Variants in MGMT observed in about 807,000 individuals in gnomAD.
MGMT encodes the protein methylated-DNA--protein-cysteine methyltransferase.
A neutral mutation model predicts 15.9 loss-of-function variants in MGMT; 14 were observed. The observed-to-expected ratio is 0.88, with a 90% confidence interval of 0.58 to 1.37. MGMT has a LOEUF of 1.37. Among genes scored for constraint, MGMT ranks in the 40% most tolerant of loss-of-function variants. The pLI is 0.00. For synonymous variants in MGMT, 130 were observed against 118.2 expected, an observed-to-expected ratio of 1.10 and a Z score of -0.65; for missense variants, 282 against 268.1, an observed-to-expected ratio of 1.05 and a Z score of -0.36.
chr10:129,623,686 G>A (rs1035370647), intron 2 of MGMT, among the ~76,000 whole-genome samples: 8 of 151,958 alleles, frequency 5.3e-5, no homozygotes, highest in African/African-American at 1.9e-4. Context: ...GCACCACCAC[G>A]CCTGGCTAAT....
intron 3 of MGMT, among the ~76,000 whole-genome samples, chr10:129,712,695 CG>C (rs888412796): frequency 1.2e-4 from 19 of 152,244 alleles, no homozygotes; most frequent in African/African-American, 4.6e-4. Context: ...GGGCATGTCC[CG>C]GGAGAGGATG....
At chr10:129,549,151 G>A (rs1017423452) in intron 2 of MGMT, among the ~76,000 whole-genome samples, 1 of 152,210 alleles carries the variant, frequency 6.6e-6, no homozygotes, top group African/African-American at 2.4e-5. Flanking sequence ...TTGGAATAAG[G>A]ATGAGGTTCC....
chr10:129,581,178 C>T (rs188820851), intron 2 of MGMT, among the ~76,000 whole-genome samples: 3 of 152,304 alleles, frequency 2.0e-5, no homozygotes, highest in East Asian at 1.9e-4. Flanking sequence ...CGTGACCTGT[C>T]GCGGGCTGAG....
intron 2 of MGMT, among the ~76,000 whole-genome samples, chr10:129,670,597 A>G (rs960756396): frequency 6.6e-6 from 1 of 152,238 alleles, no homozygotes; most frequent in South Asian, 2.1e-4. Context: ...TTTTGAAGAC[A>G]TCAATAAAAA....
intron 2 of MGMT, among the ~76,000 whole-genome samples, chr10:129,539,500 CTTTTGTTTTG>C (rs371970141): frequency 2.0e-5 from 3 of 152,132 alleles, no homozygotes; most frequent in South Asian, 2.1e-4. Context: ...TGTGATACAT[CTTTTGTTTTG>C]TTTTGTTTTG....
At chr10:129,691,337 G>A (rs1024551655) in intron 2 of MGMT, among the ~76,000 whole-genome samples, 1 of 152,228 alleles carries the variant, frequency 6.6e-6, no homozygotes, top group Non-Finnish European at 1.5e-5. Flanking sequence ...GGTGAGGTGA[G>A]TGGAAGCAAG....
intron 2 of MGMT, chr10:129,693,976 A>C (rs1478491076): frequency 6.6e-6 from 1 of 151,870 alleles, no homozygotes; most frequent in East Asian, 1.9e-4. Flanking sequence ...GGTGGCTCAG[A>C]ATGAGGTGGC....
At chr10:129,497,978 A>G (rs1286588641) in intron 1 of MGMT, among the ~76,000 whole-genome samples, 3 of 152,218 alleles carry the variant, frequency 2.0e-5, no homozygotes, top group Admixed American at 1.3e-4. Context: ...AGTCTAAGGT[A>G]TTTTATTCCA....
At chr10:129,630,416 G>A (rs761781623) in intron 2 of MGMT, among the ~76,000 whole-genome samples, 10 of 152,218 alleles carry the variant, frequency 6.6e-5, no homozygotes, top group Non-Finnish European at 1.3e-4. Flanking sequence ...CTGGATGTGA[G>A]GAAAGATATT....
intron 1 of MGMT, among the ~76,000 whole-genome samples, chr10:129,521,668 T>A (rs1484285667): frequency 6.6e-6 from 1 of 152,192 alleles, no homozygotes; most frequent in Admixed American, 6.5e-5. Flanking sequence ...CCAGAGCTGC[T>A]GGAGGGAGCG....
intron 3 of MGMT, among the ~76,000 whole-genome samples, chr10:129,730,434 C>T (rs923661389): frequency 6.6e-6 from 1 of 152,078 alleles, no homozygotes; most frequent in African/African-American, 2.4e-5. Flanking sequence ...GTGAGGCGAG[C>T]GTGCGTATTC....
chr10:129,688,979 A>G (rs1281865588), intron 2 of MGMT, among the ~76,000 whole-genome samples: 1 of 151,660 alleles, frequency 6.6e-6, no homozygotes, highest in Non-Finnish European at 1.5e-5. Context: ...TGTTTTTGAG[A>G]CAGGGTCTCG....
At chr10:129,578,479 A>G (rs1323419206) in intron 2 of MGMT, among the ~76,000 whole-genome samples, 1 of 151,944 alleles carries the variant, frequency 6.6e-6, no homozygotes, top group African/African-American at 2.4e-5. Context: ...TGGGAATTGA[A>G]CAATGAGAAC....
At chr10:129,705,491 A>G (rs1324931348) in intron 2 of MGMT, among the ~76,000 whole-genome samples, 6 of 152,220 alleles carry the variant, frequency 3.9e-5, no homozygotes, top group Admixed American at 1.3e-4. Flanking sequence ...TTAACTGCAT[A>G]AGAGAGGAAA....
intron 2 of MGMT, among the ~76,000 whole-genome samples, chr10:129,618,897 G>T (rs1847059262): frequency 6.6e-6 from 1 of 152,024 alleles, no homozygotes; most frequent in Admixed American, 6.6e-5. Context: ...GGATTCTTTA[G>T]TATCTTCCAT....
intron 1 of MGMT, among the ~76,000 whole-genome samples, chr10:129,505,657 T>C (rs1005482943): frequency 1.3e-5 from 2 of 152,206 alleles, no homozygotes; most frequent in African/African-American, 4.8e-5. Flanking sequence ...TGTACATTCA[T>C]CATCTGGTCA....
At chr10:129,611,050 T>G (rs1056149449) in intron 2 of MGMT, among the ~76,000 whole-genome samples, 2 of 152,230 alleles carry the variant, frequency 1.3e-5, no homozygotes, top group African/African-American at 4.8e-5. Flanking sequence ...ATGTTCTATT[T>G]TGCAGTTTTT....
At chr10:129,551,553 G>A (rs1158742573) in intron 2 of MGMT, among the ~76,000 whole-genome samples, 1 of 152,100 alleles carries the variant, frequency 6.6e-6, no homozygotes, top group African/African-American at 2.4e-5. Flanking sequence ...GACAACTCGA[G>A]GTAGATCTGG....
intron 2 of MGMT, among the ~76,000 whole-genome samples, chr10:129,618,664 T>G (rs998806707): frequency 1.3e-5 from 2 of 151,672 alleles, no homozygotes; most frequent in South Asian, 4.1e-4. Context: ...CATCTCAACA[T>G]GGTTTTGTAA....
Sources: gnomAD v4.1 joint callset for allele counts (sites outside exome capture counted in the v4.1 genomes callset) on GRCh38, gnomAD v4.1.1 for gene constraint, MANE v1.5 for transcripts, NCBI Gene and HGNC (gene_info 2026-07-23, HGNC 2026-07-21) for gene names.